PNKD: variants seen among roughly 807,000 people sequenced by gnomAD.
PNKD encodes the protein PNKD metallo-beta-lactamase domain containing, also known as probable thioesterase PNKD.
A neutral mutation model predicts 45.3 loss-of-function variants in PNKD; 36 were observed. The ratio of observed to expected loss-of-function variants is 0.80; its 90% CI spans 0.61 to 1.05. The LOEUF is 1.05. Ranked by LOEUF, PNKD falls within the 50% of genes least tolerant of loss-of-function variation. PNKD has a pLI of 0.00. For missense variants in PNKD, 511 were observed against 506.6 expected, an observed-to-expected ratio of 1.01 and a Z score of -0.08; for synonymous variants, 197 against 210.1, an observed-to-expected ratio of 0.94 and a Z score of 0.54.
chr2:218,279,986 AG>A, intron 2 of PNKD: 1 of 1,526,164 alleles, frequency 6.6e-7, no homozygotes, highest in Non-Finnish European at 9.1e-7. Flanking sequence ...CCACAGCCTG[AG>A]GGGCCCCAGG....
chr2:218,282,962 AAG>A (rs1326904681), intron 2 of PNKD, among the ~76,000 whole-genome samples: 3 of 152,118 alleles, frequency 2.0e-5, no homozygotes. Flanking sequence ...CTTGCTAGGG[AAG>A]AGAGAGTGAG....
At chr2:218,298,604 G>T (rs1693201048) in intron 2 of PNKD, among the ~76,000 whole-genome samples, 1 of 152,200 alleles carries the variant, frequency 6.6e-6, no homozygotes, top group Non-Finnish European at 1.5e-5. Context: ...TAGAAGCCCA[G>T]TGATTCTCCC....
At chr2:218,323,157 A>G (rs541180131) in intron 2 of PNKD, 32 of 1,341,928 alleles carry the variant, frequency 2.4e-5, no homozygotes, top group Non-Finnish European at 3.0e-5. Context: ...GGGCGGGGCC[A>G]CAACGCCCCC....
At chr2:218,319,223 G>T (rs948898871) in intron 2 of PNKD, among the ~76,000 whole-genome samples, 3 of 151,614 alleles carry the variant, frequency 2.0e-5, no homozygotes, top group African/African-American at 7.3e-5. Context: ...AAAGTGTTGG[G>T]ATTACAGGCG....
chr2:218,339,669 A>G (rs1295496560), intron 2 of PNKD, 114 bp from the exon 3 acceptor site: 1 of 728,948 alleles, frequency 1.4e-6, no homozygotes, highest in Non-Finnish European at 2.5e-6. Context: ...GTGGAATTGC[A>G]TTGGCTCACA....
rs1441169810 is a variant in PNKD, at chr2:218,340,847, C to A, written c.524+61C>A. The A allele has an allele frequency of 3.5e-6, 5 of 1,409,884 alleles. No homozygotes were observed. The highest frequency in any genetic ancestry group is 4.5e-5 in the East Asian group (2 of 43,984). 87.3% of individuals were successfully genotyped at this position (1,409,884 alleles called of 1,614,324 possible). Reference sequence around the variant, plus strand: ...CCCAGCTGGGCTTGCCAGGACTGGGCCCATTGAGGACGGCCGGGGCCAGAG... The same window carrying A: ...CCCAGCTGGGCTTGCCAGGACTGGGACCATTGAGGACGGCCGGGGCCAGAG... On this transcript the variant is annotated intron_variant, in intron 5 of 9. Transcript: ENST00000273077. The surrounding 1 kb of genome is among the most constrained non-coding windows in gnomAD (Gnocchi z 4.2).
At chr2:218,277,770 C>T in intron 2 of PNKD, 1 of 1,554,750 alleles carries the variant, frequency 6.4e-7, no homozygotes, top group Non-Finnish European at 8.9e-7. Context: ...CTGGGGAACG[C>T]CACCAAGTTG....
At chr2:218,322,694 A>G (rs1397753351) in intron 2 of PNKD, among the ~76,000 whole-genome samples, 1 of 152,186 alleles carries the variant, frequency 6.6e-6, no homozygotes, top group African/African-American at 2.4e-5. Flanking sequence ...ATAAACAGAT[A>G]TAATTTTGTT....
intron 2 of PNKD, among the ~76,000 whole-genome samples, chr2:218,330,368 G>A (rs1200162386): frequency 6.6e-6 from 1 of 152,202 alleles, no homozygotes; most frequent in Non-Finnish European, 1.5e-5. Flanking sequence ...TGTGCCAGAG[G>A]GAGGGGCGTC....
chr2:218,289,457 C>A (rs1322052463), intron 2 of PNKD, among the ~76,000 whole-genome samples: 2 of 151,964 alleles, frequency 1.3e-5, no homozygotes, highest in African/African-American at 4.8e-5. Flanking sequence ...GCCTGGCCAA[C>A]ATGGTGAAAC....
chr2:218,282,701 A>T (rs111789184), intron 2 of PNKD, among the ~76,000 whole-genome samples: 250 of 152,276 alleles, frequency 1.6e-3, no homozygotes, highest in Non-Finnish European at 2.1e-3. Context: ...CGGGGGAAGA[A>T]GTGGAGGAAA....
At position 218,345,869 on chromosome 2, in the gene PNKD, C is replaced by G. The variant is rs1240478374; in HGVS notation, c.*888C>G. The G allele has an allele frequency of 6.6e-6, 1 of 152,452 alleles. No individual in the cohort carries two copies. The highest frequency in any genetic ancestry group is 1.5e-5 in the Non-Finnish European group (1 of 68,096). The allele number at this position is 152,452 out of a possible 1,614,324, so 9.4% of individuals were successfully genotyped here. On this transcript the variant is annotated 3_prime_UTR_variant, in exon 10 of 10. Transcript: ENST00000273077. ...TCTCATTTTGGCCCTTGTTCTTAGG[C>G]CCGTCTGCCCGCCTTCCTCCATCTA...
At position 218,271,485 on chromosome 2, in the gene PNKD, C is replaced by G. The variant is rs1198574377; in HGVS notation, c.172C>G (p.Pro58Ala). 1.9e-6 allele frequency: 3 copies of G among 1,614,198 alleles called. No homozygotes were observed. Among genetic ancestry groups the G allele is most frequent in the Non-Finnish European group, 2.5e-6 (3 of 1,180,014 alleles). Residue 58 changes from proline (P) to alanine (A), a missense_variant, in exon 2 of 10, where the codon CCG becomes GCG. Physicochemically the swap from Pro to Ala is conservative, Grantham distance 27 (BLOSUM62 -1). Coordinates refer to ENST00000273077, the MANE Select transcript of PNKD (RefSeq NM_015488.5). ...CAAGGAGGAACCTGAACCCCTATCC[C>G]CGGAGCTGGAATACATTCCCAGAAA... is the stretch of plus-strand genomic sequence containing the variant. The part of the protein sequence containing the change: ...EGKEEPEPLS[P>A]ELEYIPRKRG...
chr2:218,288,214 G>T (rs6727301), intron 2 of PNKD, among the ~76,000 whole-genome samples: 53,569 of 152,076 alleles, frequency 0.35, 9,870 homozygotes, highest in Middle Eastern at 0.51. Context: ...GGATCACGAG[G>T]TCAGGAGATC....
intron 2 of PNKD, chr2:218,277,346 A>C (rs1365273154): frequency 6.2e-7 from 1 of 1,609,424 alleles, no homozygotes; most frequent in South Asian, 1.1e-5. Flanking sequence ...GGGCCAGGGA[A>C]GGGCCCTCCA....
At chr2:218,276,810 G>A (rs1443881180) in intron 2 of PNKD, among the ~76,000 whole-genome samples, 7 of 152,042 alleles carry the variant, frequency 4.6e-5, no homozygotes, top group East Asian at 3.9e-4. Context: ...CTCCAAGGCC[G>A]CCCATCTCCA....
chr2:218,342,150 T>C lies in PNKD; in HGVS notation c.781+6T>C. 1.2e-6 allele frequency: 2 copies of C among 1,611,620 alleles called. No homozygotes were observed. Among genetic ancestry groups the C allele is most frequent in the Non-Finnish European group, 1.7e-6 (2 of 1,179,592 alleles). ...GCTCTTCCTCTCTGGCTGTGGTGAG[T>C]TTCCCCGAAAGAGAGAGGAGCTGGG... On this transcript the variant is annotated splice_donor_region_variant and intron_variant, in intron 7 of 9. Transcript: ENST00000273077.
At position 218,271,445 on chromosome 2, in the gene PNKD, C is replaced by T. The variant is rs201920487; in HGVS notation, c.132C>T (p.His44=). The T allele has an allele frequency of 6.2e-7, 1 of 1,614,138 alleles. No homozygotes were observed. The highest frequency in any genetic ancestry group is 1.3e-5 in the African/African-American group (1 of 75,056). Residue 44 remains histidine, a synonymous_variant, in exon 2 of 10, where the codon CAC becomes CAT. Coordinates refer to ENST00000273077, the MANE Select transcript of PNKD (RefSeq NM_015488.5). ...ACAGGACCCGGGCCCTGCAAAGCCACAGCTCCCCAGAGGGCAAGGAGGAAC... is the reference window on the plus strand; with the variant it reads ...ACAGGACCCGGGCCCTGCAAAGCCATAGCTCCCCAGAGGGCAAGGAGGAAC... The part of the protein sequence containing the change: ...SHNRTRALQS[H]SSPEGKEEPE...
chr2:218,299,469 C>T (rs1302260453), intron 2 of PNKD, among the ~76,000 whole-genome samples: 1 of 151,748 alleles, frequency 6.6e-6, no homozygotes, highest in Non-Finnish European at 1.5e-5. Flanking sequence ...ATTTTTGAGA[C>T]AGGGTTTCGC....
Sources: allele counts gnomAD v4.1 joint callset (sites outside exome capture counted in the v4.1 genomes callset), GRCh38; gene constraint gnomAD v4.1.1; non-coding constraint Gnocchi (gnomAD v3.1); transcripts MANE v1.5; gene names NCBI Gene and HGNC (gene_info 2026-07-23, HGNC 2026-07-21).